Variants in JMJD1C observed in about 807,000 individuals in gnomAD.
JMJD1C encodes the protein jumonji domain-containing protein 1C.
Under a neutral mutation model 245.3 loss-of-function variants are expected in JMJD1C, and 31 were observed. The observed-to-expected ratio is 0.13, with a 90% CI of 0.09 to 0.17. JMJD1C has a LOEUF of 0.17. JMJD1C is among the 10% of genes least tolerant of loss of function. JMJD1C has a pLI of 1.00. For synonymous variants in JMJD1C, 1,057 were observed against 1,017.4 expected, an observed-to-expected ratio of 1.04 and a Z score of -0.74; for missense variants, 2,691 against 3,000.2, an observed-to-expected ratio of 0.90 and a Z score of 2.41.
chr10:63,200,055 T>A (rs1845853618), intron 11 of JMJD1C, among the ~76,000 whole-genome samples: 1 of 152,202 alleles, frequency 6.6e-6, no homozygotes, highest in African/African-American at 2.4e-5. Context: ...AAATGACTGA[T>A]TCTGGAGTGT....
chr10:63,412,278 TTACAG>T (rs1248475932), intron 1 of JMJD1C, among the ~76,000 whole-genome samples: 26 of 152,338 alleles, frequency 1.7e-4, no homozygotes, highest in Admixed American at 3.9e-4. Flanking sequence ...TACTGTATTC[TTACAG>T]TAAAGTAAGC....
chr10:63,207,619 T>G lies in JMJD1C; in HGVS notation c.4050A>C (p.Glu1350Asp). 6.2e-7 allele frequency: 1 copy of G among 1,614,168 alleles called. No homozygotes were observed. Among genetic ancestry groups the G allele is most frequent in the Non-Finnish European group, 8.5e-7 (1 of 1,180,024 alleles). Residue 1350 changes from glutamate (E) to aspartate (D), a missense_variant, in exon 10 of 26, where the codon GAA becomes GAC. Around this residue, in one of 9 missense-constraint regions of JMJD1C, gnomAD observed 1,562 missense variants for 1,490.7 expected, o/e 1.05. Coordinates refer to ENST00000399262, the MANE Select transcript of JMJD1C (RefSeq NM_032776.3). The part of the protein sequence containing the change: ...TDCLKLAEAG[E>D]TGRIILPNVN... ...CATTTGGCAAAATGATTCTTCCAGT[T>G]TCTCCGGCTTCTGCTAGTTTGAGGC...
At chr10:63,458,447 T>C (rs2133070080) in intron 1 of JMJD1C, among the ~76,000 whole-genome samples, 1 of 151,714 alleles carries the variant, frequency 6.6e-6, no homozygotes, top group African/African-American at 2.4e-5. Context: ...ATTATGCCAC[T>C]GTACTCCGCC....
At chr10:63,483,788 G>A (rs1953899400) in intron 1 of JMJD1C, among the ~76,000 whole-genome samples, 1 of 152,062 alleles carries the variant, frequency 6.6e-6, no homozygotes, top group African/African-American at 2.4e-5. Flanking sequence ...TCTCAATAAT[G>A]TATGTATACA....
At chr10:63,491,209 A>G (rs1029346800) in intron 1 of JMJD1C, among the ~76,000 whole-genome samples, 3 of 152,102 alleles carry the variant, frequency 2.0e-5, no homozygotes, top group African/African-American at 7.2e-5. Context: ...CAACTTTTCT[A>G]TTACCTTCCT....
chr10:63,409,610 T>C lies in JMJD1C; in HGVS notation c.169-29128A>G, dbSNP rs187723614. On this transcript the variant is annotated intron_variant, in intron 1 of 25. Transcript: ENST00000399262. ...TGGGTCAGTGGAAGAATGACTATTC[T>C]TGTCTCTGTTCTGCATCTGAGAAGG... is the stretch of plus-strand genomic sequence containing the variant. 2.2e-3 allele frequency among the ~76,000 whole-genome samples: 339 copies of C among 152,346 alleles called. 2 individuals are homozygous for C. Among genetic ancestry groups the C allele is most frequent in the African/African-American group, 7.7e-3 (322 of 41,566 alleles).
intron 1 of JMJD1C, among the ~76,000 whole-genome samples, chr10:63,448,833 G>C (rs903867386): frequency 5.3e-5 from 8 of 152,012 alleles, no homozygotes; most frequent in Admixed American, 1.3e-4. Context: ...AGATACTTCA[G>C]GAGGTCGGGC....
chr10:63,375,183 CTTTT>C lies in JMJD1C; in HGVS notation c.333+5131_333+5134del, dbSNP rs67008681. On this transcript the variant is annotated intron_variant, in intron 2 of 25. Transcript: ENST00000399262. ...TATGAAATCAACACATAAAAATTGG[CTTTT>C]TTTTTTTTTTTTTTTTTGAGGCAAG... Among the ~76,000 whole-genome samples, 192 of 92,974 alleles carry C rather than the reference CTTTT, an allele frequency of 2.1e-3. 3 individuals are homozygous for C. The highest frequency in any genetic ancestry group is 2.7e-3 in the Non-Finnish European group (132 of 49,108). 61.0% of individuals were successfully genotyped at this position (92,974 alleles called of 152,430 possible).
In JMJD1C at chr10:63,184,644, G is replaced by A. The variant is rs925641366; in HGVS notation, c.6925C>T (p.Arg2309Cys). The A allele has an allele frequency of 1.9e-5, 31 of 1,613,566 alleles. No homozygotes were observed. Among genetic ancestry groups the A allele is most frequent in the Non-Finnish European group, 2.4e-5 (28 of 1,179,758 alleles). ...LASHLPGFFV[R>C]PDLGPRLCSA... ...CACAACCTGGGTCCTAGATCAGGAC[G>A]TACAAAAAATCCTGGCAAATGAGAG... Residue 2309 changes from arginine to cysteine, a missense_variant, in exon 21 of 26, where the codon CGT becomes TGT. Arg to Cys is a radical substitution (Grantham distance 180). Around this residue, in one of 9 missense-constraint regions of JMJD1C, gnomAD observed 232 missense variants for 416.1 expected, o/e 0.56. Coordinates refer to ENST00000399262, the MANE Select transcript of JMJD1C (RefSeq NM_032776.3).
At chr10:63,261,171 T>C (rs143031846) in intron 3 of JMJD1C, among the ~76,000 whole-genome samples, 2 of 152,198 alleles carry the variant, frequency 1.3e-5, no homozygotes, top group Admixed American at 6.5e-5. Context: ...ATATCCATTA[T>C]ACTCTCTGAA....
chr10:63,483,397 A>G (rs144965253), intron 1 of JMJD1C, among the ~76,000 whole-genome samples: 4 of 152,306 alleles, frequency 2.6e-5, no homozygotes, highest in African/African-American at 9.6e-5. Context: ...AGGAAACATA[A>G]GTTTTGGAGG....
At chr10:63,407,230 A>T (rs1949222077) in intron 1 of JMJD1C, among the ~76,000 whole-genome samples, 1 of 152,162 alleles carries the variant, frequency 6.6e-6, no homozygotes, top group African/African-American at 2.4e-5. Context: ...AAAAAGGTTT[A>T]TTTCTTAGAA....
chr10:63,401,693 A>C (rs907443403), intron 1 of JMJD1C, among the ~76,000 whole-genome samples: 3 of 152,062 alleles, frequency 2.0e-5, no homozygotes, highest in Non-Finnish European at 4.4e-5. Flanking sequence ...TTTTATAAAT[A>C]TCTCCTATAT....
At chr10:63,288,582 G>T (rs924205523) in intron 2 of JMJD1C, among the ~76,000 whole-genome samples, 3 of 152,102 alleles carry the variant, frequency 2.0e-5, no homozygotes, top group Non-Finnish European at 4.4e-5. Flanking sequence ...GGTTGTTCAT[G>T]CTCTTATTGT....
chr10:63,420,377 C>T (rs1950052301), intron 1 of JMJD1C, among the ~76,000 whole-genome samples: 2 of 151,928 alleles, frequency 1.3e-5, no homozygotes, highest in Admixed American at 1.3e-4. Context: ...TCTAAAGGCT[C>T]AAATGGGTCT....
At chr10:63,302,309 G>T (rs1294220053) in intron 2 of JMJD1C, among the ~76,000 whole-genome samples, 1 of 152,160 alleles carries the variant, frequency 6.6e-6, no homozygotes, top group Non-Finnish European at 1.5e-5. Context: ...GAAGAAAAAT[G>T]CCTGAGTAAA....
Position 63,214,290 on chromosome 10 carries a change from T to G in JMJD1C, c.1877A>C (p.Lys626Thr). 6.2e-7 allele frequency: 1 copy of G among 1,614,056 alleles called. No individual in the cohort carries two copies. Among genetic ancestry groups the G allele is most frequent in the Non-Finnish European group, 8.5e-7 (1 of 1,179,956 alleles). The change falls in exon 8 of 26, where the codon AAA becomes ACA. Residue 626 changes from lysine to threonine, a missense_variant. By Grantham distance (78) the Lys-to-Thr change is moderately conservative (BLOSUM62 -1). This residue lies in a region of JMJD1C where 1,562 missense variants were observed against 1,490.7 expected (regional missense o/e 1.05). Coordinates refer to ENST00000399262, the MANE Select transcript of JMJD1C (RefSeq NM_032776.3). ...RSPPPETIKS[K>T]LNTSVDTHKI... ...GTGAGTATCTACTGAAGTATTAAGTTTAGATTTTATAGTCTCTGGAGGTGG... is the reference window on the plus strand; with the variant it reads ...GTGAGTATCTACTGAAGTATTAAGTGTAGATTTTATAGTCTCTGGAGGTGG...
At chr10:63,503,286 GT>G (rs1954617613) in intron 1 of JMJD1C, among the ~76,000 whole-genome samples, 1 of 152,188 alleles carries the variant, frequency 6.6e-6, no homozygotes, top group African/African-American at 2.4e-5. Flanking sequence ...GGGGCTTTTA[GT>G]TCAACTTAGG....
At chr10:63,171,326 G>C (rs1400939349) in intron 24 of JMJD1C, among the ~76,000 whole-genome samples, 1 of 152,126 alleles carries the variant, frequency 6.6e-6, no homozygotes, top group Non-Finnish European at 1.5e-5. Flanking sequence ...CAGTTACCAA[G>C]GTAAGATTTG....
Sources: allele counts gnomAD v4.1 joint callset (sites outside exome capture counted in the v4.1 genomes callset), GRCh38; gene constraint gnomAD v4.1.1; regional missense constraint gnomAD v4.1.1; transcripts MANE v1.5; gene names NCBI Gene and HGNC (gene_info 2026-07-23, HGNC 2026-07-21).